Variants in COL2A1 observed in about 807,000 individuals in gnomAD.
The protein encoded by COL2A1 is collagen type II alpha 1 chain.
COL2A1 carries 28 observed loss-of-function variants against 204.5 expected under a neutral mutation model. The observed-to-expected ratio is 0.14, with a 90% CI of 0.10 to 0.19. COL2A1 has a LOEUF of 0.19. Among genes scored for constraint, COL2A1 ranks in the 10% least tolerant of loss-of-function variants. The pLI is 1.00. For synonymous variants in COL2A1, 708 were observed against 718.7 expected, an observed-to-expected ratio of 0.99 and a Z score of 0.24; for missense variants, 1,388 against 2,027.5, an observed-to-expected ratio of 0.68 and a Z score of 6.06.
At position 48,004,237 on chromosome 12, in the gene COL2A1, G is replaced by T; in HGVS notation, c.85C>A (p.Gln29Lys). The change falls in exon 1 of 54, where the codon CAG becomes AAG. Residue 29 changes from glutamine to lysine, a missense_variant and splice_region_variant. This residue lies in a region of COL2A1 where 201 missense variants were observed against 242.4 expected (regional missense o/e 0.83). Coordinates refer to ENST00000380518, the MANE Select transcript of COL2A1 (RefSeq NM_001844.5). Reference sequence around the variant, plus strand: ...CAGGCAGGGGCGGGGGAAGACTTACGGACATCCTGGCCCTGACACCGAAGG... The same window carrying T: ...CAGGCAGGGGCGGGGGAAGACTTACTGACATCCTGGCCCTGACACCGAAGG... ...AVLRCQGQDV[Q>K]EAGSCVQDGQ... The T allele has an allele frequency of 6.5e-7, 1 of 1,546,542 alleles. No homozygotes were observed. The highest frequency in any genetic ancestry group is 1.4e-5 in the African/African-American group (1 of 73,050).
chr12:47,980,059 G>A lies in COL2A1; in HGVS notation c.2629C>T (p.Pro877Ser), dbSNP rs2136535139. 3 of 1,554,020 alleles carry A rather than the reference G, an allele frequency of 1.9e-6. No homozygotes were observed. The highest frequency in any genetic ancestry group is 1.2e-5 in the South Asian group (1 of 84,170). The change falls in exon 40 of 54, where the codon CCT becomes TCT. Residue 877 changes from proline to serine, a missense_variant. Transcript: ENST00000380518. The surrounding 1 kb of genome is among the most constrained non-coding windows in gnomAD (Gnocchi z 4.5). ...GPSGAPGPQG[P>S]TGVTGPKGAR... ...CCTTTAGGACCAGTCACTCCAGTAG[G>A]ACCCTGGAAAGGAAAGAGGGAGACA...
chr12:47,991,991 C>T (rs1411872419), intron 16 of COL2A1, among the ~76,000 whole-genome samples: 4 of 152,192 alleles, frequency 2.6e-5, no homozygotes, highest in South Asian at 4.1e-4. Context: ...AGCAGCACAA[C>T]GGAGTGAAGC....
intron 22 of COL2A1, 61 bp from the exon 23 acceptor site, chr12:47,986,504 G>T: frequency 1.9e-6 from 2 of 1,048,000 alleles, no homozygotes; most frequent in East Asian, 2.6e-5. Context: ...AGCAAGCCTC[G>T]ACTCAGAGTA....
rs1414146646 is a variant in COL2A1 at position 47,973,435 on chromosome 12, A to G, written c.4436T>C (p.Val1479Ala). ...CAAGAAGCAGACCGGCCCTATGTCC[A>G]CACCGAATTCCTGCTCGGGCCCTCC... ...DIGGPEQEFG[V>A]DIGPVCFL is the part of the protein sequence containing the mutation. Residue 1479 changes from valine (V) to alanine (A), a missense_variant, in exon 54 of 54, where the codon GTG (valine) becomes GCG (alanine). By Grantham distance (64) the Val-to-Ala change is moderately conservative (BLOSUM62 0). Around this residue, in one of 3 missense-constraint regions of COL2A1, gnomAD observed 303 missense variants for 369.2 expected, o/e 0.82. Coordinates refer to ENST00000380518, the MANE Select transcript of COL2A1 (RefSeq NM_001844.5). 8.7e-6 allele frequency: 14 copies of G among 1,614,124 alleles called. No individual in the cohort carries two copies. The highest frequency in any genetic ancestry group is 1.1e-5 in the Non-Finnish European group (13 of 1,180,006).
At position 47,978,583 on chromosome 12, in the gene COL2A1, G is replaced by A. The variant is rs770822970; in HGVS notation, c.2895+14C>T. 3.7e-6 allele frequency: 6 copies of A among 1,613,468 alleles called. No individual in the cohort carries two copies. In the Middle Eastern group the frequency reaches 5.0e-4, roughly 133 times the overall value. On this transcript the variant is annotated intron_variant, in intron 42 of 53. Coordinates refer to ENST00000380518, the MANE Select transcript of COL2A1 (RefSeq NM_001844.5). This position sits in a 1 kb window ranked among gnomAD's most constrained non-coding sequence, Gnocchi z 5.5. The stretch of plus-strand genomic sequence containing the variant: ...CTCCCAGGGACCTTGGCATGGGCCT[G>A]GTGAGGGACTTACAGAGGGACCGTC...
chr12:48,001,660 TG>T (rs1430634320), intron 1 of COL2A1, among the ~76,000 whole-genome samples: 1 of 151,990 alleles, frequency 6.6e-6, no homozygotes, highest in Admixed American at 6.5e-5. Flanking sequence ...CTGCGCTGGG[TG>T]TAAGAGCCGC....
chr12:47,977,083 A>C lies in COL2A1; in HGVS notation c.3327+19T>G. Reference sequence around the variant, plus strand: ...CCTATCCCTGGTGGGGACTCAGTGCAGGACACTTGGATACTCACCTGGATT... The same window carrying C: ...CCTATCCCTGGTGGGGACTCAGTGCCGGACACTTGGATACTCACCTGGATT... On this transcript the variant is annotated intron_variant, in intron 47 of 53. Transcript: ENST00000380518. 6.2e-7 allele frequency: 1 copy of C among 1,600,124 alleles called. No homozygotes were observed. Among genetic ancestry groups the C allele is most frequent in the Non-Finnish European group, 8.5e-7 (1 of 1,174,240 alleles).
Position 47,981,120 on chromosome 12 carries a change from CTGT to C in COL2A1, c.2464-155_2464-153del, listed in dbSNP as rs1467876968. The C allele has an allele frequency of 2.3e-5, 21 of 900,748 alleles. No homozygotes were observed. The African/African-American group carries it at 3.3e-4, about 14-fold the overall frequency. 55.8% of individuals were successfully genotyped at this position (900,748 alleles called of 1,614,324 possible). On this transcript the variant is annotated intron_variant, in intron 37 of 53. Coordinates refer to ENST00000380518, the MANE Select transcript of COL2A1 (RefSeq NM_001844.5). ...TTAGTCCTGAACGCAGGCAGAGGCT[CTGT>C]TAACCCAAAAGCCCTCACCCTGAAC...
chr12:47,998,105 G>A, intron 4 of COL2A1, 41 bp from the exon 5 acceptor site: 1 of 1,613,854 alleles, frequency 6.2e-7, no homozygotes, highest in Non-Finnish European at 8.5e-7. Context: ...TTAGAGGAGA[G>A]CACAAGGAAA....
chr12:47,989,659 G>T, intron 17 of COL2A1, 102 bp downstream of exon 17: 1 of 952,356 alleles, frequency 1.1e-6, no homozygotes. Context: ...ACATCAGAGT[G>T]CTGCTGTGGT....
At chr12:47,996,506 C>A in intron 8 of COL2A1, 42 bp downstream of exon 8, 1 of 1,548,938 alleles carries the variant, frequency 6.5e-7, no homozygotes, top group South Asian at 1.1e-5. Context: ...TAAGGGCCAC[C>A]TCCTGCCATT....
chr12:47,974,954 G>A, intron 51 of COL2A1, 92 bp from the exon 52 acceptor site: 3 of 1,317,520 alleles, frequency 2.3e-6, no homozygotes, highest in Non-Finnish European at 3.2e-6. Context: ...GAGACAGAGA[G>A]GCCTACAGGG....
At position 47,978,226 on chromosome 12, in the gene COL2A1, A is replaced by G; in HGVS notation, c.3003+65T>C. ...ACAAGGGACAGTCCTGAGGGTGCTG[A>G]GGGAGGTAGAAGCCTTGGCAGGCAG... On this transcript the variant is annotated intron_variant, in intron 43 of 53. Transcript: ENST00000380518. This position sits in a 1 kb window ranked among gnomAD's most constrained non-coding sequence, Gnocchi z 5.5. The G allele has an allele frequency of 6.3e-7, 1 of 1,595,260 alleles. No individual in the cohort carries two copies.
chr12:48,001,590 C>A lies in COL2A1; in HGVS notation c.86-1465G>T, dbSNP rs145156813. 1.8e-4 allele frequency among the ~76,000 whole-genome samples: 27 copies of A among 152,232 alleles called. No individual in the cohort carries two copies. The East Asian group carries it at 5.1e-3, about 29-fold the overall frequency. ...GCTAGGAGAGGGGCCACTCCCCGTG[C>A]GGATCAGATTTCCCGGGGAAGGGCG... On this transcript the variant is annotated intron_variant, in intron 1 of 53. Transcript: ENST00000380518.
intron 1 of COL2A1, among the ~76,000 whole-genome samples, chr12:48,000,672 T>C (rs957864492): frequency 6.6e-6 from 1 of 152,166 alleles, no homozygotes; most frequent in Non-Finnish European, 1.5e-5. Context: ...AAATTCTACC[T>C]ACAAAAATTG....
At chr12:47,993,910 T>G (rs1372644227) in intron 13 of COL2A1, 48 bp from the exon 14 acceptor site, 2 of 1,613,608 alleles carry the variant, frequency 1.2e-6, no homozygotes, top group Non-Finnish European at 1.7e-6. Context: ...GAAACCCAAG[T>G]TGGAAGAAAT....
intron 2 of COL2A1, among the ~76,000 whole-genome samples, chr12:47,999,041 C>G (rs1793957): frequency 0.32 from 48,854 of 152,110 alleles, 9,206 homozygotes; most frequent in Non-Finnish European, 0.44. Flanking sequence ...ATCTGGGAAT[C>G]TGCACATTAG....
chr12:47,976,129 G>T lies in COL2A1; in HGVS notation c.3490-59C>A. The T allele has an allele frequency of 8.1e-7, 1 of 1,242,076 alleles. No individual in the cohort carries two copies. The highest frequency in any genetic ancestry group is 1.2e-6 in the Non-Finnish European group (1 of 840,878). The allele number at this position is 1,242,076 out of a possible 1,614,324, so 76.9% of individuals were successfully genotyped here. On this transcript the variant is annotated intron_variant, in intron 49 of 53. Coordinates refer to ENST00000380518, the MANE Select transcript of COL2A1 (RefSeq NM_001844.5). The surrounding 1 kb of genome is among the most constrained non-coding windows in gnomAD (Gnocchi z 4.3). ...TCACCACAGGGAAGGCTGGGGAGTC[G>T]CTGGGGCTGGGTAGGTGGCTGTCCT...
chr12:47,981,822 G>C lies in COL2A1; in HGVS notation c.2363C>G (p.Thr788Arg). The change falls in exon 36 of 54, where the codon ACA becomes AGA. Residue 788 changes from threonine (T) to arginine (R), a missense_variant. Around this residue, in one of 3 missense-constraint regions of COL2A1, gnomAD observed 884 missense variants for 1,415.8 expected, o/e 0.62. Coordinates refer to ENST00000380518, the MANE Select transcript of COL2A1 (RefSeq NM_001844.5). ...TGGGCCAGGGGGGCCAATGGGACCT[G>C]TCAGGCCCTGCGGGGAGAGCAGGTA... The part of the protein sequence containing the change: ...APGKDGGRGL[T>R]GPIGPPGPAG... 1.9e-6 allele frequency: 3 copies of C among 1,554,376 alleles called. No homozygotes were observed. Among genetic ancestry groups the C allele is most frequent in the Non-Finnish European group, 2.6e-6 (3 of 1,148,648 alleles).
Sources: gnomAD v4.1 joint callset for allele counts (sites outside exome capture counted in the v4.1 genomes callset) on GRCh38, gnomAD v4.1.1 for gene constraint, gnomAD v4.1.1 regional missense constraint, Gnocchi (gnomAD v3.1) non-coding constraint, MANE v1.5 for transcripts, NCBI Gene and HGNC (gene_info 2026-07-23, HGNC 2026-07-21) for gene names.